The following ADGRA1 variants were observed in gnomAD, a reference collection of about 807,000 sequenced individuals.
ADGRA1 encodes the protein adhesion G protein-coupled receptor A1.
A neutral mutation model predicts 21.3 loss-of-function variants in ADGRA1; 12 were observed. The ratio of observed to expected loss-of-function variants is 0.56; its 90% CI spans 0.36 to 0.91. ADGRA1 has a LOEUF of 0.91. Among genes scored for constraint, ADGRA1 ranks in the 40% least tolerant of loss-of-function variants. The probability of loss-of-function intolerance (pLI) is 0.01; values close to 1 mark genes in which losing one functional copy is unlikely to be tolerated. For synonymous variants in ADGRA1, 385 were observed against 368.8 expected (o/e 1.04, Z -0.50); for missense variants, 790 against 805.6 (o/e 0.98, Z 0.23).
intron 2 of ADGRA1, among the ~76,000 whole-genome samples, chr10:133,096,087 T>C (rs1228728439): frequency 6.6e-6 from 1 of 152,190 alleles, no homozygotes; most frequent in Non-Finnish European, 1.5e-5. Flanking sequence ...CCCTACACAG[T>C]GGGGCCCTGA....
At chr10:133,098,608 C>T in intron 3 of ADGRA1, 32 bp from the exon 4 acceptor site, 1 of 1,595,542 alleles carries the variant, frequency 6.3e-7, no homozygotes, top group South Asian at 1.1e-5. Context: ...AGAGCCTCTG[C>T]TCATGTGAAA....
At chr10:133,110,234 C>T (rs12358588) in intron 5 of ADGRA1, among the ~76,000 whole-genome samples, 2,914 of 152,368 alleles carry the variant, frequency 0.019, 39 homozygotes, top group Non-Finnish European at 0.027. Context: ...AAGTGTGCCC[C>T]GCACTTCTGC....
At chr10:133,115,526 C>G (rs914429051) in intron 5 of ADGRA1, among the ~76,000 whole-genome samples, 4 of 152,190 alleles carry the variant, frequency 2.6e-5, no homozygotes, top group Non-Finnish European at 5.9e-5. Flanking sequence ...AAGGGCAGCC[C>G]CCAGGCCTGG....
chr10:133,125,284 G>T (rs78347260), intron 5 of ADGRA1, among the ~76,000 whole-genome samples: 1 of 152,246 alleles, frequency 6.6e-6, no homozygotes, highest in East Asian at 1.9e-4. Flanking sequence ...GATCTGGTTG[G>T]ATTTAGTCTA....
rs1218112169 is a variant in ADGRA1 at position 133,130,737 on chromosome 10, C to T, written c.*1226C>T. 6.6e-6 allele frequency: 1 copy of T among 151,618 alleles called. No individual in the cohort carries two copies. Among genetic ancestry groups the T allele is most frequent in the African/African-American group, 2.4e-5 (1 of 41,194 alleles). The allele number at this position is 151,618 out of a possible 1,614,324, so 9.4% of individuals were successfully genotyped here. On this transcript the variant is annotated 3_prime_UTR_variant, in exon 7 of 7. Coordinates refer to ENST00000392607, the MANE Select transcript of ADGRA1 (RefSeq NM_001083909.3). Reference sequence around the variant, plus strand: ...TCACACACGCGCACACACCCAAACACGTGCATATCACACACATGCACACAC... The same window carrying T: ...TCACACACGCGCACACACCCAAACATGTGCATATCACACACATGCACACAC...
intron 5 of ADGRA1, among the ~76,000 whole-genome samples, chr10:133,126,148 C>G (rs894438866): frequency 6.6e-6 from 1 of 152,252 alleles, no homozygotes; most frequent in African/African-American, 2.4e-5. Context: ...TTGGGGTTTT[C>G]CACAGGTGCG....
intron 2 of ADGRA1, chr10:133,095,777 A>T (rs1851678071): frequency 6.3e-7 from 1 of 1,598,446 alleles, no homozygotes; most frequent in Non-Finnish European, 8.5e-7. Flanking sequence ...GCATCCCGAC[A>T]CAGGTGACAC....
chr10:133,098,521 CT>C (rs1851729018), intron 3 of ADGRA1, 118 bp from the exon 4 acceptor site: 1 of 1,266,030 alleles, frequency 7.9e-7, no homozygotes, highest in African/African-American at 1.5e-5. Flanking sequence ...ACAGCTGCCC[CT>C]GACCCCACGG....
chr10:133,112,856 G>A (rs557797015), intron 5 of ADGRA1, among the ~76,000 whole-genome samples: 5 of 144,974 alleles, frequency 3.4e-5, no homozygotes, highest in Non-Finnish European at 7.5e-5. Context: ...TTGGAGGTCT[G>A]CGGGCCACGT....
chr10:133,113,225 C>T (rs945179083), intron 5 of ADGRA1, among the ~76,000 whole-genome samples: 16 of 145,860 alleles, frequency 1.1e-4, no homozygotes, highest in East Asian at 1.0e-3. Context: ...CTGCGGGCCG[C>T]GTCAGTTATT....
chr10:133,090,138 C>T (rs1222052746), intron 2 of ADGRA1, among the ~76,000 whole-genome samples: 3 of 152,278 alleles, frequency 2.0e-5, no homozygotes, highest in African/African-American at 7.2e-5. Flanking sequence ...GCTGCCGCAG[C>T]CCGGGGGTCC....
intron 5 of ADGRA1, among the ~76,000 whole-genome samples, chr10:133,112,475 G>A (rs540484106): frequency 5.7e-4 from 71 of 124,334 alleles, no homozygotes; most frequent in South Asian, 3.6e-3. Flanking sequence ...TGGGGTCTGC[G>A]GGCCGCGTCG....
intron 3 of ADGRA1, among the ~76,000 whole-genome samples, chr10:133,097,449 A>G (rs908859212): frequency 6.6e-6 from 1 of 152,180 alleles, no homozygotes; most frequent in African/African-American, 2.4e-5. Flanking sequence ...GGCAGTCACT[A>G]TGGCCTGCAG....
intron 5 of ADGRA1, among the ~76,000 whole-genome samples, chr10:133,103,979 C>G (rs533574518): frequency 1.3e-5 from 2 of 152,200 alleles, no homozygotes; most frequent in Admixed American, 1.3e-4. Flanking sequence ...CTGTGGCCAG[C>G]GGTCCCAGGG....
In ADGRA1 at chr10:133,097,030, G is replaced by A; in HGVS notation, c.60G>A (p.Val20=). ...ACCCAGGGGAGTTCCTGCACCCCGT[G>A]GTGTACGCGTGCACGGCCGTCATGC... The part of the protein sequence containing the change: ...PRYPGEFLHP[V]VYACTAVMLL... The change falls in exon 3 of 7, where the codon GTG becomes GTA. Residue 20 remains valine, a synonymous_variant. Transcript: ENST00000392607. 6.2e-7 allele frequency: 1 copy of A among 1,612,700 alleles called. No individual in the cohort carries two copies. Among genetic ancestry groups the A allele is most frequent in the South Asian group, 1.1e-5 (1 of 91,084 alleles).
At chr10:133,104,329 A>G (rs1480965891) in intron 5 of ADGRA1, among the ~76,000 whole-genome samples, 1 of 152,178 alleles carries the variant, frequency 6.6e-6, no homozygotes, top group African/African-American at 2.4e-5. Flanking sequence ...CCCTGGGTGT[A>G]TAAATCACTC....
At chr10:133,125,920 A>G (rs1486590993) in intron 5 of ADGRA1, among the ~76,000 whole-genome samples, 1 of 152,180 alleles carries the variant, frequency 6.6e-6, no homozygotes, top group Admixed American at 6.5e-5. Flanking sequence ...AGTGCCCTCC[A>G]CAAGGCACTG....
chr10:133,090,728 C>T (rs1030575453), intron 2 of ADGRA1, among the ~76,000 whole-genome samples: 28 of 145,282 alleles, frequency 1.9e-4, no homozygotes, highest in Non-Finnish European at 2.8e-4. Context: ...GGGCTCCTGA[C>T]GCCTGCCAGG....
intron 2 of ADGRA1, chr10:133,093,272 C>T: frequency 1.3e-6 from 2 of 1,570,780 alleles, no homozygotes; most frequent in African/African-American, 1.3e-5. Flanking sequence ...AAGTTTTGAT[C>T]AGAAAATTCA....
Sources: gnomAD v4.1 joint callset for allele counts (sites outside exome capture counted in the v4.1 genomes callset) on GRCh38, gnomAD v4.1.1 for gene constraint, MANE v1.5 for transcripts, NCBI Gene and HGNC (gene_info 2026-07-23, HGNC 2026-07-21) for gene names.